Variants in PDE11A observed in about 807,000 individuals in gnomAD.
The protein encoded by PDE11A is phosphodiesterase 11A, also known as dual 3',5'-cyclic-AMP and -GMP phosphodiesterase 11A.
In PDE11A, 100 loss-of-function variants were observed where a neutral mutation model predicts 100.5. That is an observed-to-expected ratio of 1.00 (90% confidence interval 0.85 to 1.18). PDE11A has a LOEUF of 1.18. PDE11A is among the 50% of genes most tolerant of loss of function. The probability of loss-of-function intolerance (pLI) is 0.00; values close to 1 mark genes in which losing one functional copy is unlikely to be tolerated. For missense variants in PDE11A, 1,141 were observed against 1,152.6 expected (o/e 0.99, Z 0.15); for synonymous variants, 381 against 420.8 (o/e 0.91, Z 1.16).
intron 2 of PDE11A, among the ~76,000 whole-genome samples, chr2:177,920,715 T>C (rs950319849): frequency 5.9e-5 from 9 of 152,178 alleles, no homozygotes; most frequent in Admixed American, 6.5e-5. Context: ...CTATTTATTA[T>C]ACTTAAAAAT....
At chr2:177,756,518 G>A (rs1009863401) in intron 10 of PDE11A, among the ~76,000 whole-genome samples, 14 of 152,276 alleles carry the variant, frequency 9.2e-5, no homozygotes, top group African/African-American at 2.9e-4. Flanking sequence ...AGTGGTTTAC[G>A]GAGTTGTTTG....
At chr2:178,075,361 G>T (rs1043958915), upstream of PDE11A, among the ~76,000 whole-genome samples, 1 of 151,926 alleles carries the variant, frequency 6.6e-6, no homozygotes, top group Non-Finnish European at 1.5e-5. Context: ...AGACCAGCCT[G>T]CCCAATATGG....
rs899845722 is a variant in PDE11A at position 177,625,521 on chromosome 2, T to G, written c.*3886A>C. 6.6e-6 allele frequency: 1 copy of G among 152,348 alleles called. No homozygotes were observed. The highest frequency in any genetic ancestry group is 2.4e-5 in the African/African-American group (1 of 41,440). 9.4% of individuals were successfully genotyped at this position (152,348 alleles called of 1,614,324 possible). A position where few individuals can be genotyped will look rare whatever the true frequency, so the allele number is the denominator to read the frequency against. On this transcript the variant is annotated 3_prime_UTR_variant, in exon 20 of 20. Transcript: ENST00000286063. The stretch of plus-strand genomic sequence containing the variant: ...GTAGATTGTGCACATAATAGCTACA[T>G]AGTGACTAGTAAGAATAAATATGTC...
intron 5 of PDE11A, among the ~76,000 whole-genome samples, chr2:177,868,840 A>G (rs1366423071): frequency 6.6e-6 from 1 of 152,204 alleles, no homozygotes; most frequent in African/African-American, 2.4e-5. Context: ...TCCTAAAGTG[A>G]TCTTTCCTTG....
chr2:177,701,155 T>G lies in PDE11A; in HGVS notation c.2210A>C (p.His737Pro). The G allele has an allele frequency of 6.2e-7, 1 of 1,607,296 alleles. No homozygotes were observed. Among genetic ancestry groups the G allele is most frequent in the Non-Finnish European group, 8.5e-7 (1 of 1,173,896 alleles). Residue 737 changes from histidine to proline, a missense_variant, in exon 14 of 20, where the codon CAT (histidine) becomes CCT (proline). Coordinates refer to ENST00000286063, the MANE Select transcript of PDE11A (RefSeq NM_016953.4). Reference sequence around the variant, plus strand: ...AAGGATCATCACGGCGTGGTTGAAATGGTGATGCTCCAAGGTAGCAGAGGT... The same window carrying G: ...AAGGATCATCACGGCGTGGTTGAAAGGGTGATGCTCCAAGGTAGCAGAGGT... ...YGTSATLEHHHFNHAVMILQS... is the reference protein window; with the variant it reads ...YGTSATLEHHPFNHAVMILQS...
Position 177,625,130 on chromosome 2 carries a change from A to C in PDE11A, c.*4277T>G, listed in dbSNP as rs2079813993. On this transcript the variant is annotated 3_prime_UTR_variant, in exon 20 of 20. Coordinates refer to ENST00000286063, the MANE Select transcript of PDE11A (RefSeq NM_016953.4). ...TGACTACATCTTTCATCATAATTAGAGACAGGCTCAAGATACATCTGTAGT... is the reference window on the plus strand; with the variant it reads ...TGACTACATCTTTCATCATAATTAGCGACAGGCTCAAGATACATCTGTAGT... 6.5e-6 allele frequency: 1 copy of C among 152,676 alleles called. No homozygotes were observed. Among genetic ancestry groups the C allele is most frequent in the South Asian group, 2.1e-4 (1 of 4,832 alleles). 9.5% of individuals were successfully genotyped at this position (152,676 alleles called of 1,614,324 possible).
chr2:177,719,533 G>C (rs1004466972), intron 12 of PDE11A, among the ~76,000 whole-genome samples: 1 of 152,070 alleles, frequency 6.6e-6, no homozygotes, highest in Non-Finnish European at 1.5e-5. Flanking sequence ...AAAAAGTACG[G>C]CTCAGACAAT....
chr2:177,984,791 A>G (rs2085922445), intron 2 of PDE11A, among the ~76,000 whole-genome samples: 1 of 152,232 alleles, frequency 6.6e-6, no homozygotes, highest in South Asian at 2.1e-4. Context: ...GCCAAGTACT[A>G]CTACACACTA....
intron 16 of PDE11A, among the ~76,000 whole-genome samples, chr2:177,676,613 C>T (rs957687607): frequency 3.9e-5 from 6 of 152,212 alleles, no homozygotes; most frequent in Admixed American, 2.0e-4. Context: ...AACCAGGTGG[C>T]ACCGGCATCA....
intron 2 of PDE11A, chr2:177,997,802 C>T (rs1324847093): frequency 7.7e-7 from 1 of 1,301,200 alleles, no homozygotes; most frequent in Non-Finnish European, 1.1e-6. Context: ...TTTTCTGCTT[C>T]TTCTGGAGGG....
intron 10 of PDE11A, among the ~76,000 whole-genome samples, chr2:177,766,511 A>G (rs1243843459): frequency 6.6e-6 from 1 of 152,248 alleles, no homozygotes; most frequent in Non-Finnish European, 1.5e-5. Context: ...TGCAGGTAGG[A>G]AGAATGACAA....
chr2:178,076,514 A>G (rs1574386347), upstream of PDE11A, among the ~76,000 whole-genome samples: 1 of 152,240 alleles, frequency 6.6e-6, no homozygotes, highest in African/African-American at 2.4e-5. Flanking sequence ...CTCCAAAGTC[A>G]CCTGCCAGGC....
intron 2 of PDE11A, among the ~76,000 whole-genome samples, chr2:177,909,206 G>A (rs915392124): frequency 6.6e-6 from 1 of 152,080 alleles, no homozygotes; most frequent in African/African-American, 2.4e-5. Context: ...CAAAAACTCT[G>A]CCATTTTAAG....
At chr2:177,783,113 C>G (rs1035466080) in intron 9 of PDE11A, among the ~76,000 whole-genome samples, 1 of 152,114 alleles carries the variant, frequency 6.6e-6, no homozygotes, top group African/African-American at 2.4e-5. Context: ...TTTTCCCCCT[C>G]CCTATATTCA....
At chr2:177,899,378 GTCTGGACA>G (rs2084664108) in intron 3 of PDE11A, 1 of 179,594 alleles carries the variant, frequency 5.6e-6, no homozygotes, top group African/African-American at 2.4e-5. Flanking sequence ...CTGCACTCCA[GTCTGGACA>G]ACAGAGTGAG....
intron 10 of PDE11A, among the ~76,000 whole-genome samples, chr2:177,743,985 T>C (rs901206225): frequency 2.0e-5 from 3 of 152,182 alleles, no homozygotes; most frequent in Non-Finnish European, 4.4e-5. Flanking sequence ...TGCTACCACC[T>C]GGGGTCCACC....
intron 2 of PDE11A, among the ~76,000 whole-genome samples, chr2:178,090,036 C>T (rs12617847): frequency 0.38 from 57,168 of 151,978 alleles, 13,494 homozygotes; most frequent in East Asian, 0.59. Context: ...TAACTGGGGC[C>T]CTGAACTGAC....
chr2:178,071,458 A>C, intron 1 of PDE11A, 68 bp downstream of exon 1: 10 of 1,603,228 alleles, frequency 6.2e-6, no homozygotes, highest in Non-Finnish European at 8.5e-6. Context: ...TGGATGCCAG[A>C]TGATAACCGA....
Position 178,091,970 on chromosome 2 carries a change from C to T in PDE11A, c.162+12332G>A, listed in dbSNP as rs138431452. Among the ~76,000 whole-genome samples, 642 of 152,262 alleles carry T rather than the reference C, an allele frequency of 4.2e-3. 3 individuals carry two copies. Among genetic ancestry groups the T allele is most frequent in the East Asian group, 0.017 (89 of 5,186 alleles). On this transcript the variant is annotated intron_variant, in intron 2 of 20. Coordinates refer to the PDE11A transcript ENST00000358450. Reference sequence around the variant, plus strand: ...ACATTGGACATGCTTTTCTCCTTCTCTCTTTTATTTTAAGTCACCCAAGGT... The same window carrying T: ...ACATTGGACATGCTTTTCTCCTTCTTTCTTTTATTTTAAGTCACCCAAGGT...
Sources: gnomAD v4.1 joint callset for allele counts (sites outside exome capture counted in the v4.1 genomes callset) on GRCh38, gnomAD v4.1.1 for gene constraint, MANE v1.5 for transcripts, NCBI Gene and HGNC (gene_info 2026-07-23, HGNC 2026-07-21) for gene names.